The following USP32 variants were observed in gnomAD, a reference collection of about 807,000 sequenced individuals.
USP32 encodes the protein ubiquitin specific peptidase 32.
In USP32, 59 loss-of-function variants were observed where a neutral mutation model predicts 204.8. That is an observed-to-expected ratio of 0.29 (90% confidence interval 0.23 to 0.36). USP32 has a LOEUF of 0.36. Among genes scored for constraint, USP32 ranks in the 10% least tolerant of loss-of-function variants. The pLI, the probability that USP32 is intolerant of heterozygous loss-of-function variation, is 1.00. For synonymous variants in USP32, 517 were observed against 678.4 expected, an observed-to-expected ratio of 0.76 and a Z score of 3.70; for missense variants, 1,160 against 1,946.4, an observed-to-expected ratio of 0.60 and a Z score of 7.60.
Position 60,183,165 on chromosome 17 carries a change from C to A in USP32, c.4123G>T (p.Gly1375Cys). ...CCTGCATAAGGCCCCCAGGCCTCAC[C>A]TTTCGGGCTGCTGATGATGTTAGCG... ...LSANIISSPK[G>C]SPSSSRKSGT... is the part of the protein sequence containing the mutation. Residue 1375 changes from glycine to cysteine, a missense_variant and splice_region_variant, in exon 31 of 34, where the codon GGT becomes TGT. This residue lies in a region of USP32 where 244 missense variants were observed against 342.3 expected (regional missense o/e 0.71). Transcript: ENST00000300896. The A allele has an allele frequency of 6.2e-7, 1 of 1,607,178 alleles. No individual in the cohort carries two copies. Among genetic ancestry groups the A allele is most frequent in the Non-Finnish European group, 8.5e-7 (1 of 1,176,034 alleles).
At chr17:60,239,373 G>A (rs1206617739) in intron 11 of USP32, among the ~76,000 whole-genome samples, 1 of 152,168 alleles carries the variant, frequency 6.6e-6, no homozygotes, top group Non-Finnish European at 1.5e-5. Context: ...GTAGGTTCAC[G>A]TCTTAAGAAG....
intron 1 of USP32, among the ~76,000 whole-genome samples, chr17:60,387,639 T>C (rs1567890858): frequency 6.6e-6 from 1 of 152,230 alleles, no homozygotes; most frequent in African/African-American, 2.4e-5. Flanking sequence ...TCGCATCCTC[T>C]ATGAATAGGC....
intron 3 of USP32, among the ~76,000 whole-genome samples, chr17:60,298,817 G>A (rs73318869): frequency 0.045 from 6,799 of 152,138 alleles, 544 homozygotes; most frequent in African/African-American, 0.16. Flanking sequence ...GCATATACAC[G>A]TGTCAAAACA....
At chr17:60,402,246 C>CTTTTT (rs761342227) in intron 1 of USP32, among the ~76,000 whole-genome samples, 2 of 118,444 alleles carry the variant, frequency 1.7e-5, no homozygotes, top group Admixed American at 8.7e-5. Context: ...CCTCATTTAT[C>CTTTTT]TTTTTTTTTT....
chr17:60,252,594 C>T, intron 10 of USP32, 152 bp from the exon 11 acceptor site: 2 of 571,632 alleles, frequency 3.5e-6, no homozygotes, highest in Non-Finnish European at 5.8e-6. Context: ...TTAACTTTAG[C>T]CTTGTGGTTT....
intron 1 of USP32, among the ~76,000 whole-genome samples, chr17:60,407,781 C>CAAAAAAAA: frequency 2.8e-5 from 1 of 35,942 alleles, no homozygotes; most frequent in Non-Finnish European, 5.5e-5. Context: ...GCCTCTGTCT[C>CAAAAAAAA]AAAAAAAAAA....
At chr17:60,380,995 G>C (rs969740913) in intron 1 of USP32, among the ~76,000 whole-genome samples, 5 of 152,102 alleles carry the variant, frequency 3.3e-5, no homozygotes, top group Non-Finnish European at 7.4e-5. Context: ...TTATATTCCT[G>C]AAACATTTGA....
Position 60,294,106 on chromosome 17 carries a change from A to G in USP32, c.411+577T>C, listed in dbSNP as rs186525687. 2.2e-3 allele frequency among the ~76,000 whole-genome samples: 332 copies of G among 152,296 alleles called. 4 individuals are homozygous for G. The highest frequency in any genetic ancestry group is 7.5e-3 in the African/African-American group (313 of 41,554). On this transcript the variant is annotated intron_variant, in intron 4 of 33. Coordinates refer to ENST00000300896, the MANE Select transcript of USP32 (RefSeq NM_032582.4). Reference sequence around the variant, plus strand: ...CCTCTGGTAGAGTCGGGGTCTTGCTACATTGTCCAGGCTGGTCTTGAACTC... The same window carrying G: ...CCTCTGGTAGAGTCGGGGTCTTGCTGCATTGTCCAGGCTGGTCTTGAACTC...
intron 1 of USP32, among the ~76,000 whole-genome samples, chr17:60,385,193 C>T (rs1238457358): frequency 6.6e-6 from 1 of 152,180 alleles, no homozygotes; most frequent in East Asian, 1.9e-4. Context: ...CCCCACTGGG[C>T]ACCTCGTGAC....
In USP32 at chr17:60,219,561, C is replaced by CTTTTTTTTTT. The variant is rs751193414; in HGVS notation, c.1867+99_1867+108dup. 5 of 688,910 alleles carry CTTTTTTTTTT rather than the reference C, an allele frequency of 7.3e-6. No individual in the cohort carries two copies. In the African/African-American group the frequency reaches 1.7e-4, roughly 23 times the overall value. 42.7% of individuals were successfully genotyped at this position (688,910 alleles called of 1,614,324 possible). ...AGACTTCGAGCAACGTAGTTTTCAC[C>CTTTTTTTTTT]TTTTTTTTTTTTTTTTTTTTTTTTT... On this transcript the variant is annotated intron_variant, in intron 16 of 33. Coordinates refer to ENST00000300896, the MANE Select transcript of USP32 (RefSeq NM_032582.4).
At chr17:60,300,085 T>C (rs2087535751) in intron 3 of USP32, among the ~76,000 whole-genome samples, 1 of 152,078 alleles carries the variant, frequency 6.6e-6, no homozygotes, top group South Asian at 2.1e-4. Context: ...ATTCAGACCA[T>C]AGTAGGCAGA....
At chr17:60,222,582 C>G in intron 14 of USP32, 33 bp from the exon 15 acceptor site, 1 of 1,574,058 alleles carries the variant, frequency 6.4e-7, no homozygotes, top group South Asian at 1.1e-5. Context: ...TGTTGACTTT[C>G]AATATTACAA....
chr17:60,278,439 G>C (rs917826680), intron 5 of USP32, among the ~76,000 whole-genome samples: 3 of 151,626 alleles, frequency 2.0e-5, no homozygotes, highest in African/African-American at 7.3e-5. Flanking sequence ...TGTTTAAAGA[G>C]GTACATGAAG....
At chr17:60,268,582 C>CAAAAAAA (rs57060420) in intron 7 of USP32, among the ~76,000 whole-genome samples, 1 of 45,450 alleles carries the variant, frequency 2.2e-5, no homozygotes, top group Non-Finnish European at 4.9e-5. Context: ...GACCCTGTCT[C>CAAAAAAA]AAAAAAAAAA....
intron 2 of USP32, among the ~76,000 whole-genome samples, chr17:60,330,495 T>G (rs2088353099): frequency 6.8e-6 from 1 of 147,118 alleles, no homozygotes; most frequent in African/African-American, 2.7e-5. Flanking sequence ...TTCCTTTTTC[T>G]TTCTCTCTTT....
chr17:60,367,985 G>A (rs990198773), intron 1 of USP32, among the ~76,000 whole-genome samples: 4 of 151,944 alleles, frequency 2.6e-5, no homozygotes, highest in African/African-American at 9.7e-5. Flanking sequence ...ATAACAGGAG[G>A]CTCTGCTTAG....
intron 1 of USP32, among the ~76,000 whole-genome samples, chr17:60,419,460 G>A (rs140314036): frequency 5.4e-4 from 82 of 152,210 alleles, no homozygotes; most frequent in African/African-American, 1.7e-3. Flanking sequence ...CAACAGGCTG[G>A]GCACGGTGGC....
chr17:60,180,174 C>T (rs1270464330), intron 33 of USP32, among the ~76,000 whole-genome samples: 17 of 151,974 alleles, frequency 1.1e-4, no homozygotes, highest in African/African-American at 2.7e-4. Flanking sequence ...TAGAGGCACG[C>T]GCCAACACGC....
chr17:60,339,990 T>C (rs1054074569), intron 2 of USP32, among the ~76,000 whole-genome samples: 2 of 152,218 alleles, frequency 1.3e-5, no homozygotes, highest in African/African-American at 2.4e-5. Context: ...GATATACTGA[T>C]GTTAAAATAC....
Sources: gnomAD v4.1 joint callset for allele counts (sites outside exome capture counted in the v4.1 genomes callset) on GRCh38, gnomAD v4.1.1 for gene constraint, gnomAD v4.1.1 regional missense constraint, MANE v1.5 for transcripts, NCBI Gene and HGNC (gene_info 2026-07-23, HGNC 2026-07-21) for gene names.